Variants in DENND4C observed in about 807,000 individuals in gnomAD.
DENND4C encodes DENN domain-containing protein 4C.
A neutral mutation model predicts 203.0 loss-of-function variants in DENND4C; 108 were observed. The ratio of observed to expected loss-of-function variants is 0.53; its 90% CI spans 0.46 to 0.62. DENND4C has a LOEUF of 0.62. DENND4C is among the 20% of genes least tolerant of loss of function. The pLI, the probability that DENND4C is intolerant of heterozygous loss-of-function variation, is 0.00. For synonymous variants in DENND4C, 871 were observed against 792.4 expected (o/e 1.10, Z -1.67); for missense variants, 2,481 against 2,301.2 (o/e 1.08, Z -1.60).
intron 1 of DENND4C, among the ~76,000 whole-genome samples, chr9:19,269,846 A>G (rs1588796088): frequency 2.0e-5 from 3 of 152,244 alleles, no homozygotes; most frequent in African/African-American, 7.2e-5. Flanking sequence ...TTGAAGAGTT[A>G]GGTATTTATG....
chr9:19,266,270 T>G (rs1830480427), intron 1 of DENND4C, among the ~76,000 whole-genome samples: 1 of 152,104 alleles, frequency 6.6e-6, no homozygotes, highest in African/African-American at 2.4e-5. Context: ...TGAGAGGTAT[T>G]TGTTCATATC....
At chr9:19,274,387 C>G (rs1316806713) in intron 1 of DENND4C, among the ~76,000 whole-genome samples, 1 of 151,942 alleles carries the variant, frequency 6.6e-6, no homozygotes, top group Admixed American at 6.5e-5. Flanking sequence ...CCTCCGCCTA[C>G]CGGGTTCAAG....
At chr9:19,241,186 C>T (rs985468506) in intron 1 of DENND4C, among the ~76,000 whole-genome samples, 5 of 152,104 alleles carry the variant, frequency 3.3e-5, no homozygotes, top group East Asian at 1.9e-4. Flanking sequence ...TACAGTTAGG[C>T]TACACTAAAT....
At chr9:19,328,257 C>A in intron 16 of DENND4C, 95 bp downstream of exon 16, 2 of 1,201,354 alleles carry the variant, frequency 1.7e-6, no homozygotes, top group Non-Finnish European at 2.3e-6. Context: ...CCCACAACAA[C>A]CATTTGAAGA....
At chr9:19,285,459 T>A (rs1242857100) in intron 2 of DENND4C, among the ~76,000 whole-genome samples, 1 of 152,134 alleles carries the variant, frequency 6.6e-6, no homozygotes, top group East Asian at 1.9e-4. Flanking sequence ...CAGTTGCTAT[T>A]TAGTATTCTT....
chr9:19,364,784 A>G (rs1827271424), intron 30 of DENND4C, among the ~76,000 whole-genome samples: 1 of 152,148 alleles, frequency 6.6e-6, no homozygotes, highest in Non-Finnish European at 1.5e-5. Context: ...AATCCCAGCT[A>G]GTTGGGAGGC....
chr9:19,363,521 C>A (rs1826957090), intron 30 of DENND4C, among the ~76,000 whole-genome samples: 1 of 151,126 alleles, frequency 6.6e-6, no homozygotes, highest in East Asian at 2.0e-4. Flanking sequence ...ATTAAAAAAA[C>A]ATTAGTGCCC....
At chr9:19,231,360 A>G (rs1820504689) in intron 1 of DENND4C, among the ~76,000 whole-genome samples, 1 of 152,048 alleles carries the variant, frequency 6.6e-6, no homozygotes, top group African/African-American at 2.4e-5. Context: ...TGGTGAATTG[A>G]AGACATTTCC....
At chr9:19,366,346 A>G (rs1012240946) in intron 30 of DENND4C, among the ~76,000 whole-genome samples, 16 of 152,328 alleles carry the variant, frequency 1.1e-4, no homozygotes, top group Non-Finnish European at 1.6e-4. Context: ...TCACGCCTGT[A>G]ATCCCAGCAC....
chr9:19,305,667 C>T (rs569439261), intron 10 of DENND4C, 140 bp downstream of exon 10: 2 of 753,778 alleles, frequency 2.7e-6, no homozygotes, highest in African/African-American at 1.8e-5. Flanking sequence ...TCAACCAGGG[C>T]AGGTATCAGA....
intron 1 of DENND4C, among the ~76,000 whole-genome samples, chr9:19,259,297 C>A (rs1828769760): frequency 6.6e-6 from 1 of 151,916 alleles, no homozygotes; most frequent in East Asian, 1.9e-4. Flanking sequence ...TTTTCTGTTT[C>A]CATTAGTTTA....
chr9:19,276,249 G>C lies in DENND4C; in HGVS notation c.75G>C (p.Leu25Phe), dbSNP rs1294385301. 28 of 1,231,846 alleles carry C rather than the reference G, an allele frequency of 2.3e-5. No homozygotes were observed. Among genetic ancestry groups the C allele is most frequent in the Non-Finnish European group, 2.8e-5 (28 of 987,894 alleles). The allele number at this position is 1,231,846 out of a possible 1,614,324, so 76.3% of individuals were successfully genotyped here. A position where few individuals can be genotyped will look rare whatever the true frequency, so the allele number is the denominator to read the frequency against. ...VAGLTDTSTL[L>F]DQEINRLDTK... ...GTCTCACTGACACATCTACTCTTTT[G>C]GATCAAGAAATAAATCGTTTAGATA... The change falls in exon 2 of 33, where the codon TTG becomes TTC. Residue 25 changes from leucine to phenylalanine, a missense_variant. This residue lies in a region of DENND4C where 187 missense variants were observed against 167.4 expected (regional missense o/e 1.12). Transcript: ENST00000434457.
At position 19,350,835 on chromosome 9, in the gene DENND4C, G is replaced by C. The variant is rs865929608; in HGVS notation, c.4451G>C (p.Ser1484Thr). ...ACCCAGAGCAACACAAGTCTTGGCAGTAGCAGCAGTAGTGGAGATGTAGGA... is the reference window on the plus strand; with the variant it reads ...ACCCAGAGCAACACAAGTCTTGGCACTAGCAGCAGTAGTGGAGATGTAGGA... ...ELTQSNTSLG[S>T]SSSSGDVGKL... is the part of the protein sequence containing the mutation. Residue 1484 changes from serine (S) to threonine (T), a missense_variant, in exon 24 of 33, where the codon AGT (serine) becomes ACT (threonine). This residue lies in a region of DENND4C where 2,289 missense variants were observed against 2,113.3 expected (regional missense o/e 1.08). Coordinates refer to ENST00000434457, the MANE Select transcript of DENND4C (RefSeq NM_001330640.2). The C allele has an allele frequency of 3.1e-6, 5 of 1,614,044 alleles. No individual in the cohort carries two copies. The highest frequency in any genetic ancestry group is 4.5e-5 in the East Asian group (2 of 44,874).
At position 19,352,589 on chromosome 9, in the gene DENND4C, A is replaced by G; in HGVS notation, c.4705A>G (p.Thr1569Ala). ...GWTADDSNLN[T>A]ACPFCKSNFL... is the part of the protein sequence containing the mutation. ...GACAGCAGATGACTCAAATTTGAAT[A>G]CAGCTTGTCCATTCTGTAAAAGCAA... Residue 1569 changes from threonine to alanine, a missense_variant, in exon 26 of 33, where the codon ACA becomes GCA. This residue lies in a region of DENND4C where 2,289 missense variants were observed against 2,113.3 expected (regional missense o/e 1.08). Transcript: ENST00000434457. The G allele has an allele frequency of 6.2e-7, 1 of 1,613,924 alleles. No individual in the cohort carries two copies. Among genetic ancestry groups the G allele is most frequent in the Non-Finnish European group, 8.5e-7 (1 of 1,179,884 alleles).
chr9:19,249,141 C>T (rs942021803), intron 1 of DENND4C, among the ~76,000 whole-genome samples: 1 of 151,818 alleles, frequency 6.6e-6, no homozygotes. Context: ...ATTTTCCAAC[C>T]GTAATATAAG....
chr9:19,301,899 T>G (rs1271623965), intron 9 of DENND4C, among the ~76,000 whole-genome samples: 1 of 152,148 alleles, frequency 6.6e-6, no homozygotes, highest in Admixed American at 6.5e-5. Context: ...ATTGCGCCAC[T>G]GCACTCCAGC....
chr9:19,342,382 CTTAA>C (rs1300807305), intron 21 of DENND4C, among the ~76,000 whole-genome samples: 3 of 152,134 alleles, frequency 2.0e-5, no homozygotes, highest in African/African-American at 7.2e-5. Context: ...AGGCCAGAGA[CTTAA>C]TTGATTCACT....
intron 10 of DENND4C, among the ~76,000 whole-genome samples, chr9:19,314,652 A>G (rs1057009919): frequency 2.6e-5 from 4 of 152,254 alleles, no homozygotes; most frequent in Non-Finnish European, 4.4e-5. Flanking sequence ...GCTTAGAAAA[A>G]AAAACTGCAT....
In DENND4C at chr9:19,305,333, T is replaced by C; in HGVS notation, c.1312-19T>C. 1.3e-6 allele frequency: 2 copies of C among 1,573,584 alleles called. No homozygotes were observed. Among genetic ancestry groups the C allele is most frequent in the Non-Finnish European group, 1.7e-6 (2 of 1,161,026 alleles). Reference sequence around the variant, plus strand: ...TGCAAATTTAAAATTTGGTTAATTTTTTAAAACTTTTTCCCCAGATGATCT... The same window carrying C: ...TGCAAATTTAAAATTTGGTTAATTTCTTAAAACTTTTTCCCCAGATGATCT... On this transcript the variant is annotated intron_variant, in intron 9 of 32. Transcript: ENST00000434457.
Sources: gnomAD v4.1 joint callset for allele counts (sites outside exome capture counted in the v4.1 genomes callset) on GRCh38, gnomAD v4.1.1 for gene constraint, gnomAD v4.1.1 regional missense constraint, MANE v1.5 for transcripts, NCBI Gene and HGNC (gene_info 2026-07-23, HGNC 2026-07-21) for gene names.